TPRG1: variants seen among roughly 807,000 people sequenced by gnomAD.
The protein encoded by TPRG1 is tumor protein p63 regulated 1.
A neutral mutation model predicts 29.3 loss-of-function variants in TPRG1; 29 were observed. The ratio of observed to expected loss-of-function variants is 0.99; its 90% confidence interval spans 0.74 to 1.35. The LOEUF is 1.35. Among genes scored for constraint, TPRG1 ranks in the 40% most tolerant of loss-of-function variants. The pLI is 0.00. For synonymous variants in TPRG1, 130 were observed against 116.8 expected, an observed-to-expected ratio of 1.11 and a Z score of -0.73; for missense variants, 327 against 335.0, an observed-to-expected ratio of 0.98 and a Z score of 0.19.
At chr3:189,006,705 C>A (rs1029757942) in intron 3 of TPRG1, among the ~76,000 whole-genome samples, 7 of 151,892 alleles carry the variant, frequency 4.6e-5, no homozygotes, top group Admixed American at 4.6e-4. Context: ...TCATTACAGT[C>A]CCAGTTTAAA....
chr3:189,222,996 C>T (rs970658002), intron 3 of TPRG1, among the ~76,000 whole-genome samples: 8 of 152,184 alleles, frequency 5.3e-5, no homozygotes, highest in Non-Finnish European at 1.5e-5. Context: ...ATAATCTTGT[C>T]TCCCTTCTTT....
chr3:189,306,614 T>C (rs1721666300), intron 4 of TPRG1, among the ~76,000 whole-genome samples: 1 of 152,338 alleles, frequency 6.6e-6, no homozygotes, highest in Non-Finnish European at 1.5e-5. Flanking sequence ...TTAAGTCTGG[T>C]GATATTCTTT....
intron 4 of TPRG1, among the ~76,000 whole-genome samples, chr3:189,061,217 C>T (rs111747125): frequency 9.9e-5 from 15 of 152,204 alleles, no homozygotes; most frequent in African/African-American, 1.4e-4. Context: ...GTTCAATAAA[C>T]GGTGTTTGGA....
intron 5 of TPRG1, among the ~76,000 whole-genome samples, chr3:189,314,469 G>A (rs1385014813): frequency 2.6e-5 from 4 of 152,174 alleles, no homozygotes; most frequent in Admixed American, 6.5e-5. Flanking sequence ...TTTATACAAT[G>A]CTATGTCAAA....
chr3:189,227,038 A>G (rs1350722364), intron 3 of TPRG1, among the ~76,000 whole-genome samples: 1 of 152,068 alleles, frequency 6.6e-6, no homozygotes, highest in Non-Finnish European at 1.5e-5. Context: ...GAATAACCCT[A>G]TAACAATTAG....
chr3:189,144,338 T>A (rs1029508604), intron 3 of TPRG1, among the ~76,000 whole-genome samples: 1 of 152,244 alleles, frequency 6.6e-6, no homozygotes, highest in Non-Finnish European at 1.5e-5. Flanking sequence ...CAAGGTATTT[T>A]TAACCTTTAA....
chr3:189,233,615 C>G lies in TPRG1; in HGVS notation c.303-5118C>G, dbSNP rs1739016535. Among the ~76,000 whole-genome samples the G allele has an allele frequency of 3.9e-5, 6 of 152,252 alleles. No individual in the cohort carries two copies. The South Asian group carries it at 1.0e-3, about 26-fold the overall frequency. ...CGCCAGGGAAGACGGGCTCTCACAA[C>G]AGAGGGAATGGATCTCATGGTTCTA... On this transcript the variant is annotated intron_variant, in intron 3 of 5. Transcript: ENST00000345063.
chr3:189,061,946 A>G (rs1716136621), intron 4 of TPRG1, among the ~76,000 whole-genome samples: 1 of 152,222 alleles, frequency 6.6e-6, no homozygotes, highest in South Asian at 2.1e-4. Context: ...GTATACACCT[A>G]GAGGAATATA....
At chr3:189,100,648 G>A (rs1719084250) in intron 1 of TPRG1, among the ~76,000 whole-genome samples, 1 of 152,196 alleles carries the variant, frequency 6.6e-6, no homozygotes, top group South Asian at 2.1e-4. Context: ...GTTATTGATA[G>A]TTTGCTTTAT....
chr3:189,258,272 T>A (rs1273517801), intron 4 of TPRG1, among the ~76,000 whole-genome samples: 1 of 152,088 alleles, frequency 6.6e-6, no homozygotes, highest in Non-Finnish European at 1.5e-5. Context: ...CTTCTGCAAG[T>A]CTCCTGGAGT....
intron 3 of TPRG1, among the ~76,000 whole-genome samples, chr3:189,016,383 T>G (rs1712934873): frequency 6.6e-6 from 1 of 152,054 alleles, no homozygotes. Context: ...GAGCCTCTTT[T>G]TGATTTTATA....
At chr3:189,172,390 C>G (rs1289139880) in intron 1 of TPRG1, among the ~76,000 whole-genome samples, 1 of 152,158 alleles carries the variant, frequency 6.6e-6, no homozygotes, top group Non-Finnish European at 1.5e-5. Context: ...TTGATCTTAA[C>G]TGCCCTATAG....
chr3:189,223,560 G>A (rs1287485077), intron 3 of TPRG1, among the ~76,000 whole-genome samples: 1 of 152,184 alleles, frequency 6.6e-6, no homozygotes, highest in Non-Finnish European at 1.5e-5. Context: ...GCACTTAGTT[G>A]CTACAGTCAC....
chr3:189,021,628 A>C lies in TPRG1; in HGVS notation c.-659-2122A>C, dbSNP rs953162365. ...TGTTAGTCTGATGGGCTTCCCTTTG[A>C]GGGTAACCTGACCTTTCTCTCTGGC... On this transcript the variant is annotated intron_variant, in intron 3 of 10. Coordinates refer to the TPRG1 transcript ENST00000433971. 3.9e-3 allele frequency among the ~76,000 whole-genome samples: 593 copies of C among 152,162 alleles called. 8 individuals are homozygous for C. Among genetic ancestry groups the C allele is most frequent in the African/African-American group, 0.013 (526 of 41,498 alleles).
chr3:189,304,305 A>T (rs1023633620), intron 4 of TPRG1, among the ~76,000 whole-genome samples: 2 of 152,208 alleles, frequency 1.3e-5, no homozygotes, highest in African/African-American at 4.8e-5. Flanking sequence ...TGGCAGATCC[A>T]TCTTTTGAAC....
At chr3:189,038,067 G>T (rs849009) in intron 4 of TPRG1, among the ~76,000 whole-genome samples, 131,176 of 151,566 alleles carry the variant, frequency 0.87, 58,126 homozygotes, top group Non-Finnish European at 0.95. Context: ...AAAATATATT[G>T]TGAAAAACAA....
chr3:189,104,338 A>G (rs1719562644), intron 1 of TPRG1, among the ~76,000 whole-genome samples: 1 of 152,178 alleles, frequency 6.6e-6, no homozygotes, highest in Non-Finnish European at 1.5e-5. Context: ...TGCAACCTAA[A>G]TATCCTAGCA....
At chr3:189,266,724 G>T (rs1442622857) in intron 4 of TPRG1, among the ~76,000 whole-genome samples, 1 of 148,366 alleles carries the variant, frequency 6.7e-6, no homozygotes, top group East Asian at 2.0e-4. Context: ...AAACACCTAT[G>T]GTTATATTTT....
chr3:189,194,903 C>T (rs565242786), intron 1 of TPRG1, among the ~76,000 whole-genome samples: 1 of 152,214 alleles, frequency 6.6e-6, no homozygotes, highest in South Asian at 2.1e-4. Context: ...ACTTCACTCC[C>T]CAGGAAGAGG....
Sources: gnomAD v4.1 joint callset for allele counts (sites outside exome capture counted in the v4.1 genomes callset) on GRCh38, gnomAD v4.1.1 for gene constraint, MANE v1.5 for transcripts, NCBI Gene and HGNC (gene_info 2026-07-23, HGNC 2026-07-21) for gene names.